Variants in TCF12 observed in about 807,000 individuals in gnomAD.
The protein encoded by TCF12 is transcription factor 12.
Under a neutral mutation model 86.0 loss-of-function variants are expected in TCF12, and 45 were observed. The observed-to-expected ratio is 0.52, with a 90% CI of 0.41 to 0.67. TCF12 has a LOEUF of 0.67. TCF12 is among the 30% of genes least tolerant of loss of function. TCF12 has a pLI of 0.00. For missense variants in TCF12, 881 were observed against 859.9 expected (o/e 1.02, Z -0.31); for synonymous variants, 330 against 299.6 (o/e 1.10, Z -1.05).
chr15:57,057,377 T>C (rs1226613720), intron 3 of TCF12, among the ~76,000 whole-genome samples: 1 of 152,218 alleles, frequency 6.6e-6, no homozygotes, highest in Non-Finnish European at 1.5e-5. Context: ...AGGTTATTGC[T>C]GCTTGCCTGC....
At chr15:57,081,401 C>T (rs1355752206) in intron 4 of TCF12, among the ~76,000 whole-genome samples, 2 of 152,132 alleles carry the variant, frequency 1.3e-5, no homozygotes, top group Non-Finnish European at 2.9e-5. Context: ...TTCTGTGCCT[C>T]TTGCCTCATC....
At chr15:56,999,104 A>G (rs2063874310) in intron 3 of TCF12, among the ~76,000 whole-genome samples, 1 of 151,316 alleles carries the variant, frequency 6.6e-6, no homozygotes, top group African/African-American at 2.4e-5. Context: ...AGGCTGAGGC[A>G]GGAGAATGGC....
intron 5 of TCF12, among the ~76,000 whole-genome samples, chr15:57,130,793 A>G (rs1002859720): frequency 6.6e-6 from 1 of 152,226 alleles, no homozygotes; most frequent in Non-Finnish European, 1.5e-5. Flanking sequence ...TACTACATAT[A>G]TTAGCTCATA....
At chr15:57,221,936 A>G (rs1467511003) in intron 8 of TCF12, among the ~76,000 whole-genome samples, 2 of 152,006 alleles carry the variant, frequency 1.3e-5, no homozygotes, top group Non-Finnish European at 2.9e-5. Flanking sequence ...CAATGCCTTA[A>G]AATAAAAACT....
Position 57,168,278 on chromosome 15 carries a change from A to G in TCF12, c.390+1812A>G, listed in dbSNP as rs75844722. ...ACAGTTGTTAAACATTTACCAGCAT[A>G]CCGCTCATGCCTAGTTAAAAATTGC... On this transcript the variant is annotated intron_variant, in intron 6 of 20. Coordinates refer to ENST00000333725, the MANE Select transcript of TCF12 (RefSeq NM_207037.2). Among the ~76,000 whole-genome samples the G allele has an allele frequency of 1.6e-3, 244 of 152,358 alleles. 6 individuals carry two copies. In the East Asian group the frequency reaches 0.04, roughly 25 times the overall value.
intron 8 of TCF12, among the ~76,000 whole-genome samples, chr15:57,212,366 C>G (rs1246462235): frequency 9.2e-5 from 14 of 152,104 alleles, no homozygotes; most frequent in Admixed American, 7.2e-4. Flanking sequence ...TCACTGCAGG[C>G]ATGAACTCCT....
intron 15 of TCF12, 106 bp from the exon 16 acceptor site, chr15:57,253,156 C>A: frequency 1.6e-6 from 2 of 1,229,586 alleles, no homozygotes; most frequent in Non-Finnish European, 2.3e-6. Flanking sequence ...CTTGATACTG[C>A]ATTTCACTTG....
At chr15:57,232,652 C>A in intron 10 of TCF12, 60 bp from the exon 11 acceptor site, 2 of 1,540,452 alleles carry the variant, frequency 1.3e-6, no homozygotes, top group South Asian at 1.2e-5. Context: ...CATAGTTGTC[C>A]ATTTTATGTG....
At chr15:57,145,814 A>C (rs771173435) in intron 5 of TCF12, among the ~76,000 whole-genome samples, 1 of 151,998 alleles carries the variant, frequency 6.6e-6, no homozygotes, top group Non-Finnish European at 1.5e-5. Flanking sequence ...TCCTTATGCT[A>C]CTCTGCTCCT....
intron 3 of TCF12, among the ~76,000 whole-genome samples, chr15:56,955,117 C>T (rs889718188): frequency 6.6e-5 from 10 of 152,130 alleles, no homozygotes; most frequent in African/African-American, 2.4e-4. Flanking sequence ...TTTATTGTGG[C>T]ACTATTCACA....
intron 5 of TCF12, among the ~76,000 whole-genome samples, chr15:57,124,994 A>G (rs1385520459): frequency 1.3e-5 from 2 of 152,142 alleles, no homozygotes; most frequent in African/African-American, 2.4e-5. Context: ...TTTTTCTTAG[A>G]GTGGTTGCAT....
chr15:56,985,309 G>A (rs906090206), intron 3 of TCF12, among the ~76,000 whole-genome samples: 3 of 152,124 alleles, frequency 2.0e-5, no homozygotes, highest in East Asian at 1.9e-4. Flanking sequence ...AAAGAATGAG[G>A]CAATTAAATG....
intron 19 of TCF12, among the ~76,000 whole-genome samples, chr15:57,274,816 TTTTCCTCCC>T (rs1218368514): frequency 7.9e-5 from 12 of 152,318 alleles, no homozygotes; most frequent in African/African-American, 2.4e-4. Flanking sequence ...ACACAGCACC[TTTTCCTCCC>T]ATAGTGCATT....
chr15:57,251,341 T>C lies in TCF12; in HGVS notation c.1115-9T>C, dbSNP rs989127000. 2.1e-5 allele frequency: 34 copies of C among 1,613,622 alleles called. No individual in the cohort carries two copies. Among genetic ancestry groups the C allele is most frequent in the Non-Finnish European group, 2.8e-5 (33 of 1,179,772 alleles). On this transcript the variant is annotated splice_polypyrimidine_tract_variant and intron_variant, in intron 13 of 20. Coordinates refer to ENST00000333725, the MANE Select transcript of TCF12 (RefSeq NM_207037.2). Reference sequence around the variant, plus strand: ...ACCCAGGTGTGTGGCTACTTTTGGGTTTTAACAGGTACCAGTCAGTGGCCA... The same window carrying C: ...ACCCAGGTGTGTGGCTACTTTTGGGCTTTAACAGGTACCAGTCAGTGGCCA...
chr15:57,113,880 C>T (rs1339907245), intron 5 of TCF12, among the ~76,000 whole-genome samples: 2 of 151,884 alleles, frequency 1.3e-5, no homozygotes. Context: ...AGCTTGAGCC[C>T]AGGAGGTAGA....
rs184703793 is a variant in TCF12 at position 56,983,093 on chromosome 15, T to G, written c.148+61995T>G. 3.6e-3 allele frequency among the ~76,000 whole-genome samples: 545 copies of G among 152,330 alleles called. 4 individuals carry two copies. Among genetic ancestry groups the G allele is most frequent in the African/African-American group, 0.012 (519 of 41,564 alleles). On this transcript the variant is annotated intron_variant, in intron 3 of 20. Transcript: ENST00000333725. Reference sequence around the variant, plus strand: ...TTGTTGTTAGAAATAGTAGTAGCAGTGAGAATATGGGACATTCTTAATGAT... The same window carrying G: ...TTGTTGTTAGAAATAGTAGTAGCAGGGAGAATATGGGACATTCTTAATGAT...
intron 3 of TCF12, among the ~76,000 whole-genome samples, chr15:56,993,794 C>A (rs2063567972): frequency 6.6e-6 from 1 of 152,154 alleles, no homozygotes; most frequent in African/African-American, 2.4e-5. Flanking sequence ...TTACCAGTGT[C>A]CACAGGATTT....
chr15:57,057,657 A>G (rs761719404), intron 3 of TCF12, among the ~76,000 whole-genome samples: 18 of 152,172 alleles, frequency 1.2e-4, no homozygotes, highest in Non-Finnish European at 2.2e-4. Context: ...CCTGTAAAAC[A>G]TTGTAGACCA....
rs117726909 is a variant in TCF12 at position 57,282,841 on chromosome 15, C to T, written c.*11+243C>T. On this transcript the variant is annotated intron_variant, in intron 20 of 20. Coordinates refer to ENST00000333725, the MANE Select transcript of TCF12 (RefSeq NM_207037.2). Reference sequence around the variant, plus strand: ...ATCTTGTGACTTTGGTTCTTCTGTTCGGAGTCATCATGTGTACTCTCTTAC... The same window carrying T: ...ATCTTGTGACTTTGGTTCTTCTGTTTGGAGTCATCATGTGTACTCTCTTAC... Among the ~76,000 whole-genome samples the T allele has an allele frequency of 4.6e-4, 70 of 152,312 alleles. No homozygotes were observed. The East Asian group carries it at 0.013, about 28-fold the overall frequency.
Sources: allele counts gnomAD v4.1 joint callset (sites outside exome capture counted in the v4.1 genomes callset), GRCh38; gene constraint gnomAD v4.1.1; transcripts MANE v1.5; gene names NCBI Gene and HGNC (gene_info 2026-07-23, HGNC 2026-07-21).